Variants in ANKFN1 observed in about 807,000 individuals in gnomAD.
ANKFN1 encodes ankyrin repeat and fibronectin type III domain containing 1, also known as ankyrin repeat and fibronectin type-III domain-containing protein 1.
ANKFN1 carries 74 observed loss-of-function variants against 108.7 expected under a neutral mutation model. That is an observed-to-expected ratio of 0.68 (90% CI 0.56 to 0.83). The LOEUF (loss-of-function observed/expected upper bound fraction) is 0.83. Among genes scored for constraint, ANKFN1 ranks in the 40% least tolerant of loss-of-function variants. ANKFN1 has a pLI of 0.00. For missense variants in ANKFN1, 1,505 were observed against 1,382.3 expected (o/e 1.09, Z -1.41); for synonymous variants, 547 against 516.2 (o/e 1.06, Z -0.81).
intron 20 of ANKFN1, among the ~76,000 whole-genome samples, chr17:56,500,154 T>TCAA (rs1446595388): frequency 6.6e-6 from 1 of 152,232 alleles, no homozygotes; most frequent in African/African-American, 2.4e-5. Context: ...AAGAGTTACT[T>TCAA]GTGAATAAGG....
chr17:56,218,087 T>A (rs186158764), intron 2 of ANKFN1, among the ~76,000 whole-genome samples: 4 of 152,258 alleles, frequency 2.6e-5, no homozygotes, highest in African/African-American at 7.2e-5. Context: ...TTTCTGTGGC[T>A]AACCATATCA....
chr17:56,086,852 C>T lies in ANKFN1; in HGVS notation c.288+40527C>T, dbSNP rs546773594. Among the ~76,000 whole-genome samples the T allele has an allele frequency of 7.3e-5, 11 of 151,458 alleles. No individual in the cohort carries two copies. The East Asian group carries it at 2.1e-3, about 29-fold the overall frequency. ...TAATAAAAAGGATAACAATAAGTAT[C>T]ATTTCTTGAACTCCAATACCAAGTC... On this transcript the variant is annotated intron_variant, in intron 4 of 12. Coordinates refer to the ANKFN1 transcript ENST00000635860.
intron 11 of ANKFN1, among the ~76,000 whole-genome samples, chr17:56,455,598 A>C (rs576513347): frequency 6.6e-6 from 1 of 152,342 alleles, no homozygotes; most frequent in South Asian, 2.1e-4. Flanking sequence ...TCTGGTGGTG[A>C]TACCAACAAC....
At chr17:56,370,190 A>G (rs1035991456) in intron 6 of ANKFN1, among the ~76,000 whole-genome samples, 6 of 152,196 alleles carry the variant, frequency 3.9e-5, no homozygotes, top group African/African-American at 1.4e-4. Context: ...TCACCCAGCT[A>G]TAAAATTCTG....
intron 8 of ANKFN1, among the ~76,000 whole-genome samples, chr17:56,421,270 CTTAG>C (rs1467226044): frequency 2.0e-5 from 3 of 152,236 alleles, no homozygotes; most frequent in Non-Finnish European, 4.4e-5. Flanking sequence ...AGACAGTGGG[CTTAG>C]TTAGAGGAAT....
intron 1 of ANKFN1, among the ~76,000 whole-genome samples, chr17:56,195,733 C>T (rs74367727): frequency 0.011 from 1,750 of 152,248 alleles, 16 homozygotes; most frequent in Middle Eastern, 0.024. Flanking sequence ...TATCACTCAG[C>T]GTATTATTCT....
chr17:56,132,427 T>C (rs1442565652), intron 4 of ANKFN1, among the ~76,000 whole-genome samples: 2 of 152,148 alleles, frequency 1.3e-5, no homozygotes, highest in African/African-American at 4.8e-5. Flanking sequence ...CCCACTGTAA[T>C]AAGTTATCTA....
chr17:56,308,121 A>G lies in ANKFN1; in HGVS notation c.54-18100A>G, dbSNP rs2044891479. 2.6e-5 allele frequency among the ~76,000 whole-genome samples: 4 copies of G among 152,226 alleles called. No individual in the cohort carries two copies. In the South Asian group the frequency reaches 8.3e-4, roughly 32 times the overall value. On this transcript the variant is annotated intron_variant, in intron 3 of 20. Coordinates refer to ENST00000682825, the MANE Select transcript of ANKFN1 (RefSeq NM_001370326.1). ...GGGAGTGGGGAGGGATAGCATTTGG[A>G]GATATACCTAATGTTAAATGACGAG...
intron 3 of ANKFN1, among the ~76,000 whole-genome samples, chr17:56,251,595 GT>G (rs1184152344): frequency 1.3e-5 from 2 of 152,098 alleles, no homozygotes; most frequent in Non-Finnish European, 2.9e-5. Context: ...CAAAAGGTTT[GT>G]CCCCATTGTC....
rs536250280 is a variant in ANKFN1, at chr17:56,380,731, G to A, written c.910+6017G>A. ...ACTGCAAGGCAGCAGCGAGGCCGGG[G>A]GAGGGGCGCCCGCCATTGCCCAGGC... On this transcript the variant is annotated intron_variant, in intron 8 of 20. Coordinates refer to ENST00000682825, the MANE Select transcript of ANKFN1 (RefSeq NM_001370326.1). Among the ~76,000 whole-genome samples, 834 of 152,362 alleles carry A rather than the reference G, an allele frequency of 5.5e-3. 5 individuals are homozygous for A. The highest frequency in any genetic ancestry group is 0.019 in the African/African-American group (783 of 41,582).
rs897523236 is a variant in ANKFN1, at chr17:56,466,268, G to A, written c.1558-88G>A. 12 of 1,191,900 alleles carry A rather than the reference G, an allele frequency of 1.0e-5. No individual in the cohort carries two copies. The Admixed American group carries it at 2.4e-4, about 24-fold the overall frequency. 73.8% of individuals were successfully genotyped at this position (1,191,900 alleles called of 1,614,324 possible). A position where few individuals can be genotyped will look rare whatever the true frequency, so the allele number is the denominator to read the frequency against. On this transcript the variant is annotated intron_variant, in intron 14 of 20. Transcript: ENST00000682825. Reference sequence around the variant, plus strand: ...AGAGCAAACAGCTTCTCAGAAATCAGATTATTATTCACGGTGTCTTTTGTT... The same window carrying A: ...AGAGCAAACAGCTTCTCAGAAATCAAATTATTATTCACGGTGTCTTTTGTT...
At chr17:56,071,704 C>T (rs951300621) in intron 4 of ANKFN1, among the ~76,000 whole-genome samples, 1 of 152,202 alleles carries the variant, frequency 6.6e-6, no homozygotes, top group Non-Finnish European at 1.5e-5. Flanking sequence ...TAACTTCACA[C>T]CTGTTCAATA....
chr17:56,397,304 T>C (rs1482448234), intron 8 of ANKFN1, among the ~76,000 whole-genome samples: 1 of 152,128 alleles, frequency 6.6e-6, no homozygotes, highest in Non-Finnish European at 1.5e-5. Flanking sequence ...GGTTTGGAGA[T>C]CTTCTAATCA....
At chr17:56,399,685 G>C (rs187473184) in intron 8 of ANKFN1, among the ~76,000 whole-genome samples, 2 of 151,560 alleles carry the variant, frequency 1.3e-5, no homozygotes, top group Non-Finnish European at 2.9e-5. Flanking sequence ...ATGCCTTTGC[G>C]TCCTGATAGC....
rs1002770633 is a variant in ANKFN1, at chr17:56,477,814, G to GT, written c.1940+169dup. Among the ~76,000 whole-genome samples, 110 of 150,956 alleles carry GT rather than the reference G, an allele frequency of 7.3e-4. 1 individual carries two copies. Among genetic ancestry groups the GT allele is most frequent in the Admixed American group, 2.0e-3 (31 of 15,142 alleles). ...AAGTGGGGCAGAGCTTAGTTTTGGGGTTTTTTTTTGTTTTGTTGTTGTTGT... is the reference window on the plus strand; with the variant it reads ...AAGTGGGGCAGAGCTTAGTTTTGGGGTTTTTTTTTTGTTTTGTTGTTGTTGT... On this transcript the variant is annotated intron_variant, in intron 16 of 20. Transcript: ENST00000682825.
intron 8 of ANKFN1, among the ~76,000 whole-genome samples, chr17:56,408,251 A>G (rs1362510172): frequency 6.6e-6 from 1 of 152,164 alleles, no homozygotes; most frequent in East Asian, 1.9e-4. Context: ...TAAATTATTT[A>G]TAATGGTCAA....
intron 1 of ANKFN1, among the ~76,000 whole-genome samples, chr17:56,191,933 A>G (rs1912972766): frequency 1.3e-5 from 2 of 151,166 alleles, no homozygotes; most frequent in African/African-American, 2.4e-5. Context: ...TTTTTTCTCT[A>G]TACTTCCCTT....
intron 20 of ANKFN1, 97 bp from the exon 21 acceptor site, chr17:56,510,376 C>G (rs1324578373): frequency 9.8e-7 from 1 of 1,021,674 alleles, no homozygotes; most frequent in African/African-American, 1.6e-5. Flanking sequence ...AGCACAGGCC[C>G]CTTCTAAGTG....
chr17:56,210,457 T>C (rs1914898819), intron 1 of ANKFN1, among the ~76,000 whole-genome samples: 1 of 152,218 alleles, frequency 6.6e-6, no homozygotes, highest in Non-Finnish European at 1.5e-5. Flanking sequence ...GGTATCACAT[T>C]GTGGTTTTGA....
Sources: allele counts gnomAD v4.1 joint callset (sites outside exome capture counted in the v4.1 genomes callset), GRCh38; gene constraint gnomAD v4.1.1; transcripts MANE v1.5; gene names NCBI Gene and HGNC (gene_info 2026-07-23, HGNC 2026-07-21).